The following ODAD2 variants were observed in gnomAD, a reference collection of about 807,000 sequenced individuals.
ODAD2 encodes outer dynein arm docking complex subunit 2.
A neutral mutation model predicts 106.8 loss-of-function variants in ODAD2; 89 were observed. The observed-to-expected ratio is 0.83, with a 90% CI of 0.70 to 0.99. The LOEUF is 0.99. Ranked by LOEUF, ODAD2 falls within the 50% of genes least tolerant of loss-of-function variation. ODAD2 has a pLI of 0.00. For missense variants in ODAD2, 1,168 were observed against 1,238.5 expected, an observed-to-expected ratio of 0.94 and a Z score of 0.85; for synonymous variants, 404 against 436.2, an observed-to-expected ratio of 0.93 and a Z score of 0.92.
intron 17 of ODAD2, among the ~76,000 whole-genome samples, chr10:27,893,456 C>A (rs1396707531): frequency 6.6e-6 from 1 of 152,156 alleles, no homozygotes; most frequent in Non-Finnish European, 1.5e-5. Flanking sequence ...TGTCTAAAGG[C>A]GTAGCTGGTG....
chr10:27,977,454 C>A (rs1320324952), intron 7 of ODAD2, among the ~76,000 whole-genome samples: 2 of 151,420 alleles, frequency 1.3e-5, no homozygotes. Flanking sequence ...GTAGTCCCAG[C>A]TACTTGGGAA....
intron 17 of ODAD2, among the ~76,000 whole-genome samples, chr10:27,878,440 C>G (rs1841489739): frequency 6.6e-6 from 1 of 152,076 alleles, no homozygotes; most frequent in African/African-American, 2.4e-5. Flanking sequence ...TCTCTTGCCT[C>G]CAGCGAAAAG....
chr10:27,890,523 C>T (rs1240340296), intron 17 of ODAD2, among the ~76,000 whole-genome samples: 1 of 152,010 alleles, frequency 6.6e-6, no homozygotes, highest in Non-Finnish European at 1.5e-5. Flanking sequence ...TGTAAGTTAC[C>T]ATTTTGTACA....
At chr10:27,925,569 G>A (rs567602188) in intron 16 of ODAD2, among the ~76,000 whole-genome samples, 1 of 152,198 alleles carries the variant, frequency 6.6e-6, no homozygotes, top group East Asian at 1.9e-4. Flanking sequence ...CGTTTTCCAG[G>A]CTGGTCTCAA....
chr10:27,874,004 G>A (rs1328555564), intron 17 of ODAD2, among the ~76,000 whole-genome samples: 4 of 152,106 alleles, frequency 2.6e-5, no homozygotes, highest in East Asian at 3.9e-4. Flanking sequence ...TCTCTTTGTA[G>A]GTCTCTAAGG....
intron 2 of ODAD2, among the ~76,000 whole-genome samples, chr10:27,990,613 T>G (rs1215437529): frequency 6.6e-6 from 1 of 152,256 alleles, no homozygotes; most frequent in East Asian, 1.9e-4. Flanking sequence ...CTGACCCTAC[T>G]ACTGTGACTT....
intron 7 of ODAD2, among the ~76,000 whole-genome samples, chr10:27,972,385 C>A (rs1299273412): frequency 6.6e-6 from 1 of 151,936 alleles, no homozygotes; most frequent in African/African-American, 2.4e-5. Context: ...ACAGATGAAA[C>A]AAACAGAAAA....
intron 13 of ODAD2, among the ~76,000 whole-genome samples, chr10:27,940,217 T>C (rs1385684291): frequency 1.3e-5 from 2 of 151,458 alleles, no homozygotes; most frequent in African/African-American, 4.9e-5. Flanking sequence ...TGTATAGATA[T>C]ATATGTCAGC....
intron 17 of ODAD2, among the ~76,000 whole-genome samples, chr10:27,863,222 C>A (rs1482973892): frequency 6.6e-6 from 1 of 152,120 alleles, no homozygotes; most frequent in Non-Finnish European, 1.5e-5. Flanking sequence ...TCAGGCACAC[C>A]ACAGCCTTCT....
At chr10:27,994,209 A>C (rs1850410465) in intron 2 of ODAD2, among the ~76,000 whole-genome samples, 1 of 151,968 alleles carries the variant, frequency 6.6e-6, no homozygotes, top group Non-Finnish European at 1.5e-5. Flanking sequence ...GAAAGGCTCT[A>C]ATCTGAGGAC....
intron 17 of ODAD2, among the ~76,000 whole-genome samples, chr10:27,876,701 A>G (rs2133511890): frequency 6.6e-6 from 1 of 152,340 alleles, no homozygotes; most frequent in South Asian, 2.1e-4. Flanking sequence ...GAGTCATCAC[A>G]GGTCACACCA....
chr10:27,973,878 G>T (rs1316784981), intron 7 of ODAD2, among the ~76,000 whole-genome samples: 2 of 152,154 alleles, frequency 1.3e-5, no homozygotes, highest in Non-Finnish European at 2.9e-5. Context: ...CACAATGATT[G>T]AACTAATTTA....
At position 27,826,350 on chromosome 10, in the gene ODAD2, A is replaced by G. The variant is rs1328669744; in HGVS notation, c.3022-13725T>C. ...CCATTGCAGCAATGGCACACACATT[A>G]TGATCTCTAATTTCCATCGGCTCTC... On this transcript the variant is annotated intron_variant, in intron 19 of 19. Coordinates refer to ENST00000305242, the MANE Select transcript of ODAD2 (RefSeq NM_018076.5). 3.9e-5 allele frequency among the ~76,000 whole-genome samples: 6 copies of G among 152,168 alleles called. No homozygotes were observed. In the East Asian group the frequency reaches 1.2e-3, roughly 29 times the overall value.
chr10:27,946,760 G>A (rs1169710775), intron 10 of ODAD2, among the ~76,000 whole-genome samples: 1 of 152,058 alleles, frequency 6.6e-6, no homozygotes, highest in African/African-American at 2.4e-5. Flanking sequence ...TCCTTCTTAT[G>A]ACACATGTAC....
intron 19 of ODAD2, among the ~76,000 whole-genome samples, chr10:27,813,836 A>C (rs965200770): frequency 3.3e-5 from 5 of 152,190 alleles, no homozygotes; most frequent in African/African-American, 1.2e-4. Flanking sequence ...GAGGAAGGGT[A>C]CTGTATTACT....
chr10:27,826,106 G>A (rs950936961), intron 19 of ODAD2, among the ~76,000 whole-genome samples: 1 of 152,144 alleles, frequency 6.6e-6, no homozygotes, highest in East Asian at 1.9e-4. Flanking sequence ...TCTGCCTCTC[G>A]TTGCTGTCTA....
chr10:27,935,191 C>T lies in ODAD2; in HGVS notation c.2314G>A (p.Val772Ile). 1 of 1,614,026 alleles carries T rather than the reference C, an allele frequency of 6.2e-7. No homozygotes were observed. ...VGLLTDQPEE[V>I]LVNVVGALGE... The stretch of plus-strand genomic sequence containing the variant: ...AAGGCCCCAACCACATTCACAAGTA[C>T]TTCTTCAGGCTGATCTGTTAGAAGT... Residue 772 changes from valine (V) to isoleucine (I), a missense_variant, in exon 16 of 20, where the codon GTA becomes ATA. Coordinates refer to ENST00000305242, the MANE Select transcript of ODAD2 (RefSeq NM_018076.5).
At chr10:27,948,372 G>A (rs1847087682) in intron 10 of ODAD2, among the ~76,000 whole-genome samples, 1 of 152,074 alleles carries the variant, frequency 6.6e-6, no homozygotes, top group South Asian at 2.1e-4. Context: ...AATACCAGAG[G>A]ACAGGAGCCA....
chr10:27,870,381 T>C lies in ODAD2; in HGVS notation c.2611-7759A>G, dbSNP rs1840773010. ...AATATTATTATTATCACACTTTAAG[T>C]TCTAGGGTACATGTGCTCAACATGC... is the stretch of plus-strand genomic sequence containing the variant. On this transcript the variant is annotated intron_variant, in intron 17 of 19. Transcript: ENST00000305242. Among the ~76,000 whole-genome samples, 4 of 152,120 alleles carry C rather than the reference T, an allele frequency of 2.6e-5. No individual in the cohort carries two copies. In the South Asian group the frequency reaches 8.3e-4, roughly 31 times the overall value.
Sources: gnomAD v4.1 joint callset for allele counts (sites outside exome capture counted in the v4.1 genomes callset) on GRCh38, gnomAD v4.1.1 for gene constraint, MANE v1.5 for transcripts, NCBI Gene and HGNC (gene_info 2026-07-23, HGNC 2026-07-21) for gene names.